CHODL: variants seen among roughly 807,000 people sequenced by gnomAD.
The protein encoded by CHODL is chondrolectin.
A neutral mutation model predicts 34.5 loss-of-function variants in CHODL; 29 were observed. That is an observed-to-expected ratio of 0.84 (90% CI 0.63 to 1.15). The LOEUF (loss-of-function observed/expected upper bound fraction) is 1.15, where lower values mean the gene tolerates loss of function less well. Ranked by LOEUF, CHODL falls within the 50% of genes most tolerant of loss-of-function variation. The pLI is 0.00. For missense variants in CHODL, 332 were observed against 332.5 expected (o/e 1.00, Z 0.01); for synonymous variants, 125 against 116.1 (o/e 1.08, Z -0.49).
chr21:17,941,286 CTTTTTTTTTTTTTT>C (rs34255623), intron 1 of CHODL, among the ~76,000 whole-genome samples: 1 of 87,958 alleles, frequency 1.1e-5, no homozygotes, highest in Admixed American at 1.3e-4. Flanking sequence ...TAACTTGCCT[CTTTTTTTTTTTTTT>C]TTTTTTTTTC....
chr21:18,219,780 T>C (rs1197856944), intron 2 of CHODL, among the ~76,000 whole-genome samples: 1 of 147,940 alleles, frequency 6.8e-6, no homozygotes, highest in East Asian at 2.0e-4. Context: ...TTAGTTGTAT[T>C]TTTTTTTTTG....
intron 2 of CHODL, among the ~76,000 whole-genome samples, chr21:18,185,609 C>G (rs1410225368): frequency 6.6e-6 from 1 of 152,162 alleles, no homozygotes; most frequent in Non-Finnish European, 1.5e-5. Context: ...TTCAGTTGCA[C>G]AGTACAAGAT....
intron 2 of CHODL, among the ~76,000 whole-genome samples, chr21:18,067,987 T>C (rs1195830632): frequency 6.6e-6 from 1 of 152,172 alleles, no homozygotes; most frequent in Non-Finnish European, 1.5e-5. Flanking sequence ...TATTTTTCCT[T>C]CCTCCAAGTC....
intron 1 of CHODL, among the ~76,000 whole-genome samples, chr21:18,012,585 G>A (rs1015034043): frequency 2.6e-5 from 4 of 152,158 alleles, no homozygotes; most frequent in African/African-American, 4.8e-5. Flanking sequence ...GATTAAGTTC[G>A]GGTTTATTAA....
chr21:18,207,680 T>TTTTTTTTTTGG (rs2073727635), intron 2 of CHODL, among the ~76,000 whole-genome samples: 1 of 147,660 alleles, frequency 6.8e-6, no homozygotes, highest in African/African-American at 2.5e-5. Flanking sequence ...TTTTTTTTTT[T>TTTTTTTTTTGG]GCGGGGAAAG....
intron 1 of CHODL, among the ~76,000 whole-genome samples, chr21:18,256,303 T>C (rs1195929830): frequency 3.9e-5 from 6 of 152,182 alleles, no homozygotes; most frequent in Non-Finnish European, 7.3e-5. Context: ...TTTAAAAGTT[T>C]ATGTTGCAAG....
chr21:18,262,407 G>A (rs560280079), intron 4 of CHODL, among the ~76,000 whole-genome samples: 1 of 152,046 alleles, frequency 6.6e-6, no homozygotes, highest in Non-Finnish European at 1.5e-5. Flanking sequence ...TTACTTCTAG[G>A]CTACAAACCC....
chr21:18,180,505 G>A (rs1304837638), intron 2 of CHODL, among the ~76,000 whole-genome samples: 2 of 152,180 alleles, frequency 1.3e-5, no homozygotes, highest in African/African-American at 4.8e-5. Context: ...TCCTGTTACA[G>A]AAATTTTTTA....
intron 2 of CHODL, among the ~76,000 whole-genome samples, chr21:18,133,010 T>A (rs954899866): frequency 2.0e-5 from 3 of 152,174 alleles, no homozygotes; most frequent in Non-Finnish European, 4.4e-5. Context: ...ATTCTGTAAT[T>A]CATTACTTTG....
At position 18,055,356 on chromosome 21, in the gene CHODL, C is replaced by T. The variant is rs151090129; in HGVS notation, c.-45+27385C>T. 6.3e-3 allele frequency among the ~76,000 whole-genome samples: 959 copies of T among 152,142 alleles called. 14 individuals carry two copies. Among genetic ancestry groups the T allele is most frequent in the African/African-American group, 0.022 (897 of 41,558 alleles). On this transcript the variant is annotated intron_variant, in intron 2 of 6. Coordinates refer to the CHODL transcript ENST00000400127. ...CCACTCTACCCTCTCCTGAGATTAT[C>T]AATATCCTGACTTCGTATAAGTTAT...
At chr21:17,978,084 C>T (rs181560652) in intron 1 of CHODL, among the ~76,000 whole-genome samples, 18 of 152,202 alleles carry the variant, frequency 1.2e-4, no homozygotes, top group African/African-American at 4.1e-4. Context: ...GGTCAGAAAT[C>T]CTAGTTGGTT....
At chr21:18,111,662 A>G (rs2065353084) in intron 2 of CHODL, among the ~76,000 whole-genome samples, 2 of 152,200 alleles carry the variant, frequency 1.3e-5, no homozygotes, top group Non-Finnish European at 2.9e-5. Context: ...GTAGTATGTT[A>G]TAGTTCATAA....
intron 1 of CHODL, among the ~76,000 whole-genome samples, chr21:18,003,416 A>G (rs1328115016): frequency 2.7e-5 from 4 of 149,464 alleles, no homozygotes; most frequent in Non-Finnish European, 5.9e-5. Context: ...ATAAAAATTA[A>G]TATATTAATC....
intron 2 of CHODL, among the ~76,000 whole-genome samples, chr21:18,158,124 A>G (rs142583666): frequency 2.8e-4 from 42 of 150,400 alleles, no homozygotes; most frequent in African/African-American, 1.0e-3. Flanking sequence ...CTTCTAGGAC[A>G]CTAGAAGCAA....
chr21:17,980,783 C>T (rs539085846), intron 1 of CHODL, among the ~76,000 whole-genome samples: 66 of 152,226 alleles, frequency 4.3e-4, no homozygotes, highest in African/African-American at 1.5e-3. Context: ...TGAAATGCAC[C>T]GTGTGTGCAT....
At chr21:18,062,917 A>G (rs2146487521) in intron 2 of CHODL, among the ~76,000 whole-genome samples, 1 of 152,264 alleles carries the variant, frequency 6.6e-6, no homozygotes, top group East Asian at 1.9e-4. Flanking sequence ...AAGGACAAAA[A>G]TGAGCCTTTT....
chr21:18,239,061 C>A (rs114977580), intron 2 of CHODL, among the ~76,000 whole-genome samples: 2,259 of 152,108 alleles, frequency 0.015, 49 homozygotes, highest in African/African-American at 0.052. Context: ...TAACATGCTC[C>A]GTTAAATTTT....
intron 2 of CHODL, among the ~76,000 whole-genome samples, chr21:18,035,777 A>G (rs2064301800): frequency 7.4e-6 from 1 of 135,906 alleles, no homozygotes; most frequent in African/African-American, 2.6e-5. Flanking sequence ...TTTTATCTTG[A>G]AAATTCAATT....
In CHODL at chr21:18,201,819, T is replaced by TTTTTTTG. The variant is rs1193986733; in HGVS notation, c.-44-54687_-44-54686insTTTGTTT. 1.5e-4 allele frequency among the ~76,000 whole-genome samples: 22 copies of TTTTTTTG among 149,760 alleles called. No individual in the cohort carries two copies. The South Asian group carries it at 4.7e-3, about 32-fold the overall frequency. ...TAAAAACTTTTTTTTTTTTTTTTTTTTTTGAGAGGGAGTCTCACTCTGTCG... is the reference window on the plus strand; with the variant it reads ...TAAAAACTTTTTTTTTTTTTTTTTTTTTTTTTGTTTGAGAGGGAGTCTCACTCTGTCG... On this transcript the variant is annotated intron_variant, in intron 2 of 6. Coordinates refer to the CHODL transcript ENST00000400127.
Sources: gnomAD v4.1 joint callset for allele counts (sites outside exome capture counted in the v4.1 genomes callset) on GRCh38, gnomAD v4.1.1 for gene constraint, MANE v1.5 for transcripts, NCBI Gene and HGNC (gene_info 2026-07-23, HGNC 2026-07-21) for gene names.